Variants in HACE1 observed in about 807,000 individuals in gnomAD.
HACE1 encodes E3 ubiquitin-protein ligase HACE1.
In HACE1, 73 loss-of-function variants were observed where a neutral mutation model predicts 118.4. The observed-to-expected ratio is 0.62, with a 90% CI of 0.51 to 0.75. The LOEUF (loss-of-function observed/expected upper bound fraction) is 0.75, where lower values mean the gene tolerates loss of function less well. HACE1 is among the 30% of genes least tolerant of loss of function. HACE1 has a pLI of 0.00. For synonymous variants in HACE1, 368 were observed against 374.8 expected (o/e 0.98, Z 0.21); for missense variants, 749 against 1,102.2 (o/e 0.68, Z 4.54).
At chr6:104,797,504 T>A (rs1339574843) in intron 7 of HACE1, among the ~76,000 whole-genome samples, 1 of 149,690 alleles carries the variant, frequency 6.7e-6, no homozygotes. Flanking sequence ...AAAAAAAAAA[T>A]TAAAAGGAAG....
chr6:104,765,382 G>A (rs544711254), intron 19 of HACE1, among the ~76,000 whole-genome samples: 1 of 152,332 alleles, frequency 6.6e-6, no homozygotes, highest in South Asian at 2.1e-4. Flanking sequence ...GTTGCACTAG[G>A]ACATCCCTGC....
intron 19 of HACE1, among the ~76,000 whole-genome samples, chr6:104,753,247 C>T (rs562892483): frequency 4.6e-5 from 7 of 152,266 alleles, no homozygotes; most frequent in African/African-American, 1.7e-4. Flanking sequence ...CTCACTGGGA[C>T]CGAGCTCCGG....
chr6:104,852,234 C>A, intron 2 of HACE1, 83 bp downstream of exon 2: 2 of 712,526 alleles, frequency 2.8e-6, no homozygotes, highest in Non-Finnish European at 2.5e-6. Context: ...TGTGTGCGCG[C>A]GTGCGCGTGC....
chr6:104,770,986 A>G (rs1214181612), intron 19 of HACE1, among the ~76,000 whole-genome samples: 1 of 152,246 alleles, frequency 6.6e-6, no homozygotes, highest in African/African-American at 2.4e-5. Context: ...TTTAGGAACC[A>G]ACTCAGCACA....
Position 104,774,122 on chromosome 6 carries a change from C to G in HACE1, c.1865-2048G>C, listed in dbSNP as rs534442291. 9.7e-5 allele frequency among the ~76,000 whole-genome samples: 8 copies of G among 82,436 alleles called. No individual in the cohort carries two copies. The South Asian group carries it at 1.9e-3, about 20-fold the overall frequency. The allele number at this position is 82,436 out of a possible 152,430, so 54.1% of individuals were successfully genotyped here. On this transcript the variant is annotated intron_variant, in intron 17 of 23. Coordinates refer to ENST00000262903, the MANE Select transcript of HACE1 (RefSeq NM_020771.4). ...TTTTTTTTTTTGAGACGGAGTCTCGCTCTGTCGCCCAGGCTGGAGTGCAGT... is the reference window on the plus strand; with the variant it reads ...TTTTTTTTTTTGAGACGGAGTCTCGGTCTGTCGCCCAGGCTGGAGTGCAGT...
intron 11 of HACE1, among the ~76,000 whole-genome samples, chr6:104,789,952 A>C (rs1782838527): frequency 6.6e-6 from 1 of 152,128 alleles, no homozygotes; most frequent in African/African-American, 2.4e-5. Flanking sequence ...GTAGATCAAA[A>C]TTTTACAAAG....
At chr6:104,777,987 G>C (rs189758082) in intron 14 of HACE1, among the ~76,000 whole-genome samples, 1 of 152,248 alleles carries the variant, frequency 6.6e-6, no homozygotes, top group Non-Finnish European at 1.5e-5. Context: ...TCGAACTCCT[G>C]ACCTCAGGTG....
intron 19 of HACE1, among the ~76,000 whole-genome samples, chr6:104,753,817 C>G (rs574767298): frequency 6.6e-6 from 1 of 152,250 alleles, no homozygotes; most frequent in South Asian, 2.1e-4. Context: ...CACAAAAATG[C>G]TGAAAACTCA....
intron 10 of HACE1, among the ~76,000 whole-genome samples, chr6:104,792,144 T>C (rs1055657134): frequency 2.6e-5 from 4 of 152,198 alleles, no homozygotes; most frequent in African/African-American, 7.2e-5. Flanking sequence ...CACCACAGAA[T>C]AGTAACAAAT....
intron 5 of HACE1, among the ~76,000 whole-genome samples, chr6:104,840,572 T>C (rs1775001380): frequency 6.6e-6 from 1 of 152,156 alleles, no homozygotes. Context: ...CTCACACCTG[T>C]AATCCGAGCA....
chr6:104,737,744 C>T (rs905950755), intron 22 of HACE1, among the ~76,000 whole-genome samples: 1 of 152,172 alleles, frequency 6.6e-6, no homozygotes, highest in Non-Finnish European at 1.5e-5. Context: ...AGCAGCGAGG[C>T]TGGGGGAGGG....
intron 16 of HACE1, 81 bp downstream of exon 16, chr6:104,776,932 T>C (rs1781279875): frequency 2.3e-6 from 3 of 1,291,360 alleles, no homozygotes; most frequent in East Asian, 4.8e-5. Flanking sequence ...CTTTATCAAC[T>C]AAATATTAAA....
In HACE1 at chr6:104,833,113, T is replaced by C; in HGVS notation, c.463A>G (p.Ser155Gly). ...ELLHDLVQHV[S>G]DVDVEDAMGQ... ...ATGGCATCCTCAACATCAACATCAC[T>C]GACATGCTGCACAAGGTCATGGAGT... Residue 155 changes from serine to glycine, a missense_variant, in exon 6 of 24, where the codon AGT (serine) becomes GGT (glycine). Physicochemically the swap from Ser to Gly is moderately conservative, Grantham distance 56 (BLOSUM62 0). Around this residue, in one of 5 missense-constraint regions of HACE1, gnomAD observed 120 missense variants for 219.1 expected, o/e 0.55. Coordinates refer to ENST00000262903, the MANE Select transcript of HACE1 (RefSeq NM_020771.4). The C allele has an allele frequency of 6.2e-7, 1 of 1,613,466 alleles. No homozygotes were observed. The highest frequency in any genetic ancestry group is 1.1e-5 in the South Asian group (1 of 91,078).
chr6:104,842,697 C>T (rs1355388190), intron 5 of HACE1, among the ~76,000 whole-genome samples: 1 of 151,912 alleles, frequency 6.6e-6, no homozygotes, highest in Non-Finnish European at 1.5e-5. Flanking sequence ...GAATAAGCTT[C>T]AAAATAAACA....
intron 22 of HACE1, chr6:104,731,251 A>G (rs1237948196): frequency 6.6e-6 from 1 of 152,112 alleles, no homozygotes; most frequent in Non-Finnish European, 1.5e-5. Context: ...CTTTTTGGAT[A>G]AATTAGAAAA....
chr6:104,803,381 T>C (rs2114923167), intron 7 of HACE1, among the ~76,000 whole-genome samples: 1 of 152,318 alleles, frequency 6.6e-6, no homozygotes, highest in East Asian at 1.9e-4. Context: ...AGCATCATCC[T>C]GATACCAAAG....
chr6:104,832,141 A>T (rs1562472107), intron 6 of HACE1, among the ~76,000 whole-genome samples: 1 of 152,218 alleles, frequency 6.6e-6, no homozygotes. Flanking sequence ...GTCATTGCTC[A>T]CTTTCCTCAC....
At chr6:104,823,887 C>T (rs1358570901) in intron 6 of HACE1, among the ~76,000 whole-genome samples, 1 of 152,080 alleles carries the variant, frequency 6.6e-6, no homozygotes, top group Non-Finnish European at 1.5e-5. Flanking sequence ...GCTAGGAAGT[C>T]ACAGACAACC....
At chr6:104,733,253 T>C (rs1452674955) in intron 22 of HACE1, among the ~76,000 whole-genome samples, 5 of 152,186 alleles carry the variant, frequency 3.3e-5, no homozygotes, top group African/African-American at 9.6e-5. Context: ...TCTAATGTCC[T>C]CCACACAAGT....
Sources: allele counts gnomAD v4.1 joint callset (sites outside exome capture counted in the v4.1 genomes callset), GRCh38; gene constraint gnomAD v4.1.1; regional missense constraint gnomAD v4.1.1; transcripts MANE v1.5; gene names NCBI Gene and HGNC (gene_info 2026-07-23, HGNC 2026-07-21).